The following TASP1 variants were observed in gnomAD, a reference collection of about 807,000 sequenced individuals.
TASP1 encodes the protein threonine aspartase 1.
In TASP1, 16 loss-of-function variants were observed where a neutral mutation model predicts 56.6. The observed-to-expected ratio is 0.28, with a 90% confidence interval of 0.19 to 0.43. The LOEUF (loss-of-function observed/expected upper bound fraction) is 0.43. Among genes scored for constraint, TASP1 ranks in the 20% least tolerant of loss-of-function variants. TASP1 has a pLI of 1.00. For missense variants in TASP1, 393 were observed against 511.6 expected (o/e 0.77, Z 2.24); for synonymous variants, 179 against 184.2 (o/e 0.97, Z 0.23).
At chr20:13,123,585 A>T in the TASP1 span, among the ~76,000 whole-genome samples, 4 of 151,622 alleles carry the variant, frequency 2.6e-5, no homozygotes, top group Admixed American at 2.6e-4. Flanking sequence ...CTGCACTGTA[A>T]CTCCTGCGTT....
At chr20:13,490,927 T>C (rs6042167) in intron 10 of TASP1, among the ~76,000 whole-genome samples, 32,865 of 152,050 alleles carry the variant, frequency 0.22, 3,683 homozygotes, top group Middle Eastern at 0.28. Flanking sequence ...AAGCACTTAA[T>C]AAATACTACT....
At chr20:13,139,321 G>C in the TASP1 span, among the ~76,000 whole-genome samples, 1 of 152,144 alleles carries the variant, frequency 6.6e-6, no homozygotes, top group Non-Finnish European at 1.5e-5. Flanking sequence ...TGTGGGGTTG[G>C]TATTAGTTAA....
chr20:13,363,861 GT>G, the TASP1 span, among the ~76,000 whole-genome samples: 13,532 of 152,218 alleles, frequency 0.089, 676 homozygotes, highest in African/African-American at 0.12. Context: ...GAAAGAAACA[GT>G]TTTGTTTTTT....
chr20:13,638,704 C>A (rs751911765), intron 1 of TASP1, among the ~76,000 whole-genome samples, 190 bp downstream of exon 1: 19 of 152,186 alleles, frequency 1.2e-4, no homozygotes, highest in Non-Finnish European at 2.8e-4. Flanking sequence ...CCGCCTAGAG[C>A]GACCAAGACT....
intron 4 of TASP1, among the ~76,000 whole-genome samples, chr20:13,613,864 A>G (rs1245234900): frequency 6.6e-6 from 1 of 152,058 alleles, no homozygotes; most frequent in African/African-American, 2.4e-5. Flanking sequence ...TTAATACAGA[A>G]CCTCAGGGCA....
At chr20:13,582,381 TAA>T (rs2047159784) in intron 5 of TASP1, among the ~76,000 whole-genome samples, 2 of 141,056 alleles carry the variant, frequency 1.4e-5, no homozygotes, top group African/African-American at 2.6e-5. Flanking sequence ...TTATAAGTTA[TAA>T]GTTACAACTT....
At chr20:13,381,667 C>T in the TASP1 span, among the ~76,000 whole-genome samples, 4 of 152,156 alleles carry the variant, frequency 2.6e-5, no homozygotes, top group Non-Finnish European at 5.9e-5. Flanking sequence ...CACCCTTATG[C>T]TTGCACTTCT....
chr20:13,126,441 G>GA, the TASP1 span: 105 of 881,112 alleles, frequency 1.2e-4, no homozygotes, highest in African/African-American at 1.7e-3. Flanking sequence ...ATAGTTTGAT[G>GA]AAAACCATTG....
the TASP1 span, among the ~76,000 whole-genome samples, chr20:13,152,950 A>T: frequency 1.3e-5 from 2 of 152,230 alleles, no homozygotes; most frequent in Non-Finnish European, 2.9e-5. Flanking sequence ...AAAATATTGT[A>T]TAACCTCTAG....
At chr20:13,442,311 CA>C (rs2043245122) in intron 11 of TASP1, among the ~76,000 whole-genome samples, 2 of 151,960 alleles carry the variant, frequency 1.3e-5, no homozygotes, top group African/African-American at 4.8e-5. Context: ...CACACACACA[CA>C]CACCACACAC....
intron 8 of TASP1, among the ~76,000 whole-genome samples, chr20:13,545,262 A>G (rs762538516): frequency 1.3e-5 from 2 of 152,218 alleles, no homozygotes; most frequent in Non-Finnish European, 2.9e-5. Context: ...GGAGTTAAGT[A>G]TATTCTAGGA....
At chr20:13,334,811 G>T in the TASP1 span, among the ~76,000 whole-genome samples, 1 of 152,140 alleles carries the variant, frequency 6.6e-6, no homozygotes, top group African/African-American at 2.4e-5. Context: ...TAAAATGACA[G>T]TCAAATAATT....
the TASP1 span, among the ~76,000 whole-genome samples, chr20:13,132,259 C>T: frequency 6.7e-6 from 1 of 149,300 alleles, no homozygotes; most frequent in Admixed American, 6.8e-5. Flanking sequence ...TCACTGCAAC[C>T]TCCACCTCTC....
chr20:13,633,318 G>A lies in TASP1; in HGVS notation c.-74-3166C>T, dbSNP rs538456666. Among the ~76,000 whole-genome samples the A allele has an allele frequency of 5.1e-4, 78 of 152,256 alleles. 1 individual carries two copies. The highest frequency in any genetic ancestry group is 1.8e-3 in the African/African-American group (73 of 41,564). On this transcript the variant is annotated intron_variant, in intron 1 of 13. Transcript: ENST00000337743. Reference sequence around the variant, plus strand: ...ATAAACAAAAAAGTCATACAATACTGATTACCAAAGGAGATTTGGATAACT... The same window carrying A: ...ATAAACAAAAAAGTCATACAATACTAATTACCAAAGGAGATTTGGATAACT...
intron 13 of TASP1, among the ~76,000 whole-genome samples, chr20:13,403,579 G>A (rs2041816020): frequency 6.6e-6 from 1 of 152,198 alleles, no homozygotes; most frequent in Non-Finnish European, 1.5e-5. Context: ...GATCAAAGTT[G>A]TAACTTGCCC....
rs1169067632 is a variant in TASP1, at chr20:13,534,038, G to A, written c.779C>T (p.Pro260Leu). 5.0e-6 allele frequency: 8 copies of A among 1,613,024 alleles called. No individual in the cohort carries two copies. Among genetic ancestry groups the A allele is most frequent in the Non-Finnish European group, 5.9e-6 (7 of 1,179,480 alleles). ...VSSGGLALKHPGRVGQAALYG... is the reference protein window; with the variant it reads ...VSSGGLALKHLGRVGQAALYG... ...ATTACTTACCTGCCCAACTCTCCCC[G>A]GATGTTTCAAGGCCAAGCCTCCACT... The change falls in exon 9 of 14, where the codon CCG (proline) becomes CTG (leucine). Residue 260 changes from proline to leucine, a missense_variant. By Grantham distance (98) the Pro-to-Leu change is moderately conservative. Coordinates refer to ENST00000337743, the MANE Select transcript of TASP1 (RefSeq NM_017714.3).
chr20:13,610,802 AC>A (rs1419203416), intron 4 of TASP1, among the ~76,000 whole-genome samples: 2 of 152,202 alleles, frequency 1.3e-5, no homozygotes, highest in Non-Finnish European at 2.9e-5. Context: ...AAAATAAGCT[AC>A]CTCCAACAAT....
the TASP1 span, among the ~76,000 whole-genome samples, chr20:13,158,665 C>A: frequency 6.6e-6 from 1 of 152,188 alleles, no homozygotes; most frequent in East Asian, 1.9e-4. Flanking sequence ...AGCTAGAAAG[C>A]TTCATCTCCT....
intron 13 of TASP1, among the ~76,000 whole-genome samples, chr20:13,402,724 T>C (rs2041782974): frequency 6.6e-6 from 1 of 152,254 alleles, no homozygotes; most frequent in Non-Finnish European, 1.5e-5. Flanking sequence ...ATCTAAAATA[T>C]GGTCCAATAA....
Sources: gnomAD v4.1 joint callset for allele counts (sites outside exome capture counted in the v4.1 genomes callset) on GRCh38, gnomAD v4.1.1 for gene constraint, MANE v1.5 for transcripts, NCBI Gene and HGNC (gene_info 2026-07-23, HGNC 2026-07-21) for gene names.